The following ICA1 variants were observed in gnomAD, a reference collection of about 807,000 sequenced individuals.
ICA1 encodes 69 kDa islet cell autoantigen.
Under a neutral mutation model 71.0 loss-of-function variants are expected in ICA1, and 40 were observed. The observed-to-expected ratio is 0.56, with a 90% confidence interval of 0.44 to 0.73. The LOEUF is 0.73. ICA1 is among the 30% of genes least tolerant of loss of function. The probability of loss-of-function intolerance (pLI) is 0.00; values close to 1 mark genes in which losing one functional copy is unlikely to be tolerated. For synonymous variants in ICA1, 207 were observed against 209.5 expected, an observed-to-expected ratio of 0.99 and a Z score of 0.10; for missense variants, 578 against 576.5, an observed-to-expected ratio of 1.00 and a Z score of -0.03.
In ICA1 at chr7:8,232,613, C is replaced by T. The variant is rs766630394; in HGVS notation, c.160G>A (p.Ala54Thr). 11 of 1,612,116 alleles carry T rather than the reference C, an allele frequency of 6.8e-6. No individual in the cohort carries two copies. The highest frequency in any genetic ancestry group is 1.6e-4 in the Middle Eastern group (1 of 6,078). ...KEDEHVVASDADLDAKLELFH... is the reference protein window; with the variant it reads ...KEDEHVVASDTDLDAKLELFH... ...ACCTCTAGCTTGGCATCCAGGTCCG[C>T]GTCAGAGGCAACAACATGTTCATCT... The change falls in exon 3 of 14, where the codon GCG (alanine) becomes ACG (threonine). Residue 54 changes from alanine to threonine, a missense_variant. By Grantham distance (58) the Ala-to-Thr change is moderately conservative. Transcript: ENST00000402384.
intron 6 of ICA1, among the ~76,000 whole-genome samples, chr7:8,196,388 G>A (rs1032723183): frequency 1.8e-4 from 28 of 152,230 alleles, no homozygotes; most frequent in Non-Finnish European, 3.2e-4. Context: ...ACAGATGACT[G>A]CTCGGGCAAT....
chr7:8,162,436 T>C (rs1274351338), intron 6 of ICA1, among the ~76,000 whole-genome samples: 1 of 152,204 alleles, frequency 6.6e-6, no homozygotes, highest in African/African-American at 2.4e-5. Context: ...GCAAAGTTCA[T>C]TTAATATTTT....
chr7:8,113,764 G>T lies in ICA1; in HGVS notation c.*159C>A. 1.4e-6 allele frequency: 1 copy of T among 704,284 alleles called. No homozygotes were observed. Among genetic ancestry groups the T allele is most frequent in the East Asian group, 2.7e-5 (1 of 36,864 alleles). The allele number at this position is 704,284 out of a possible 1,614,324, so 43.6% of individuals were successfully genotyped here. ...CGAAAACCCTTTATACCAAATAAGA[G>T]TAAATAATTATACCAATATAAACAG... On this transcript the variant is annotated 3_prime_UTR_variant, in exon 14 of 14. Transcript: ENST00000402384. The surrounding 1 kb of genome is among the most constrained non-coding windows in gnomAD (Gnocchi z 4.2).
chr7:8,117,649 T>C (rs1366955181), intron 13 of ICA1, among the ~76,000 whole-genome samples: 1 of 152,248 alleles, frequency 6.6e-6, no homozygotes, highest in Non-Finnish European at 1.5e-5. Context: ...GATGCATCAC[T>C]GTTGGGATCA....
At chr7:8,200,002 C>G (rs529862862) in intron 6 of ICA1, among the ~76,000 whole-genome samples, 1 of 152,152 alleles carries the variant, frequency 6.6e-6, no homozygotes, top group East Asian at 1.9e-4. Context: ...GATAGCACAA[C>G]AGGGGGACTA....
Position 8,157,512 on chromosome 7 carries a change from C to T in ICA1, c.706-298G>A, listed in dbSNP as rs3807834. On this transcript the variant is annotated intron_variant, in intron 7 of 13. Transcript: ENST00000402384. Reference sequence around the variant, plus strand: ...TCCAAAACCCAGGGTAAATAATTAACGCTCTACTGTTGCAATCCCTCAGCT... The same window carrying T: ...TCCAAAACCCAGGGTAAATAATTAATGCTCTACTGTTGCAATCCCTCAGCT... 0.012 allele frequency: 4,280 copies of T among 356,280 alleles called. 329 individuals are homozygous for T. In the East Asian group the frequency reaches 0.18, roughly 15 times the overall value. The allele number at this position is 356,280 out of a possible 1,614,324, so 22.1% of individuals were successfully genotyped here.
intron 12 of ICA1, among the ~76,000 whole-genome samples, chr7:8,131,110 G>A (rs1488805952): frequency 6.6e-6 from 1 of 152,186 alleles, no homozygotes; most frequent in African/African-American, 2.4e-5. Flanking sequence ...ATGGAAGAGG[G>A]CCTCTCTTTC....
At chr7:8,196,292 T>C (rs949981702) in intron 6 of ICA1, among the ~76,000 whole-genome samples, 1 of 152,164 alleles carries the variant, frequency 6.6e-6, no homozygotes, top group African/African-American at 2.4e-5. Flanking sequence ...TTATATGACA[T>C]TCTGAAAAAG....
At chr7:8,129,870 C>A (rs1790779615) in intron 12 of ICA1, among the ~76,000 whole-genome samples, 1 of 118,810 alleles carries the variant, frequency 8.4e-6, no homozygotes, top group Non-Finnish European at 1.6e-5. Flanking sequence ...CACCCCACAA[C>A]AGTCCCCGGT....
At chr7:8,236,223 G>C (rs572528474) in intron 1 of ICA1, among the ~76,000 whole-genome samples, 11 of 152,272 alleles carry the variant, frequency 7.2e-5, no homozygotes, top group African/African-American at 2.4e-4. Flanking sequence ...CAGGCAGATT[G>C]AATGAAAAAG....
At chr7:8,140,366 C>G (rs1485255445) in intron 10 of ICA1, among the ~76,000 whole-genome samples, 7 of 152,194 alleles carry the variant, frequency 4.6e-5, no homozygotes, top group African/African-American at 1.7e-4. Flanking sequence ...TCTCCAGGTC[C>G]TCCTGTGCCC....
At chr7:8,256,872 A>ATG (rs761419173) in intron 1 of ICA1, among the ~76,000 whole-genome samples, 5 of 152,228 alleles carry the variant, frequency 3.3e-5, no homozygotes, top group Non-Finnish European at 7.3e-5. Flanking sequence ...AGCACTTTAC[A>ATG]TGTGTGAAGC....
Position 8,113,896 on chromosome 7 carries a change from G to T in ICA1, c.*27C>A, listed in dbSNP as rs957614206. 1.2e-6 allele frequency: 2 copies of T among 1,613,802 alleles called. No individual in the cohort carries two copies. Among genetic ancestry groups the T allele is most frequent in the African/African-American group, 1.3e-5 (1 of 75,048 alleles). ...CCAGGGGAGCTGCTGGGGGCGGCAT[G>T]TGAGTGCCCTCCCGAAGGGTACAGA... On this transcript the variant is annotated 3_prime_UTR_variant, in exon 14 of 14. Transcript: ENST00000402384. This position sits in a 1 kb window ranked among gnomAD's most constrained non-coding sequence, Gnocchi z 4.2.
In ICA1 at chr7:8,144,633, TTTAAG is replaced by T. The variant is rs1392588326; in HGVS notation, c.805-666_805-662del. Among the ~76,000 whole-genome samples, 2 of 49,350 alleles carry T rather than the reference TTTAAG, an allele frequency of 4.1e-5. No homozygotes were observed. Among genetic ancestry groups the T allele is most frequent in the Non-Finnish European group, 1.1e-4 (2 of 18,426 alleles). 32.4% of individuals were successfully genotyped at this position (49,350 alleles called of 152,430 possible). A position where few individuals can be genotyped will look rare whatever the true frequency, so the allele number is the denominator to read the frequency against. Reference sequence around the variant, plus strand: ...TACTATTTTCAAGGTTAACTAAATATTTAAGTTTTTTTTTTTAAACAGCAAGTGCC... The same window carrying T: ...TACTATTTTCAAGGTTAACTAAATATTTTTTTTTTTTAAACAGCAAGTGCC... On this transcript the variant is annotated intron_variant, in intron 8 of 13. Coordinates refer to ENST00000402384, the MANE Select transcript of ICA1 (RefSeq NM_001136020.3). The surrounding 1 kb of genome is among the most constrained non-coding windows in gnomAD (Gnocchi z 4.5).
chr7:8,142,090 C>T (rs1380993331), intron 9 of ICA1: 1 of 1,087,570 alleles, frequency 9.2e-7, no homozygotes. Context: ...AAGATAGACG[C>T]ATACAGTTAT....
At chr7:8,154,587 T>C (rs1417717109) in intron 8 of ICA1, among the ~76,000 whole-genome samples, 1 of 152,208 alleles carries the variant, frequency 6.6e-6, no homozygotes, top group Non-Finnish European at 1.5e-5. Flanking sequence ...CAGGGGCTAT[T>C]TGCTTAGGTA....
At chr7:8,221,928 G>A (rs1451479916) in intron 4 of ICA1, among the ~76,000 whole-genome samples, 1 of 152,152 alleles carries the variant, frequency 6.6e-6, no homozygotes, top group Admixed American at 6.6e-5. Flanking sequence ...TCATCAGGTT[G>A]ATGACAGTGG....
chr7:8,145,737 G>A (rs1407994677), intron 8 of ICA1, among the ~76,000 whole-genome samples: 1 of 76,532 alleles, frequency 1.3e-5, no homozygotes. Context: ...TTGTATGATT[G>A]GAATCATTGT....
chr7:8,206,136 T>C (rs1791461855), intron 6 of ICA1, among the ~76,000 whole-genome samples: 1 of 152,232 alleles, frequency 6.6e-6, no homozygotes, highest in Admixed American at 6.5e-5. Flanking sequence ...TTCTCACCTT[T>C]TTTCCCTTTC....
Sources: allele counts gnomAD v4.1 joint callset (sites outside exome capture counted in the v4.1 genomes callset), GRCh38; gene constraint gnomAD v4.1.1; non-coding constraint Gnocchi (gnomAD v3.1); transcripts MANE v1.5; gene names NCBI Gene and HGNC (gene_info 2026-07-23, HGNC 2026-07-21).